The following SF3B3 variants were observed in gnomAD, a reference collection of about 807,000 sequenced individuals.
SF3B3 encodes the protein SAP 130.
Under a neutral mutation model 139.2 loss-of-function variants are expected in SF3B3, and 33 were observed. The observed-to-expected ratio is 0.24, with a 90% CI of 0.18 to 0.32. The LOEUF is 0.32. SF3B3 is among the 10% of genes least tolerant of loss of function. The probability of loss-of-function intolerance (pLI) is 1.00; values close to 1 mark genes in which losing one functional copy is unlikely to be tolerated. For missense variants in SF3B3, 818 were observed against 1,509.4 expected, an observed-to-expected ratio of 0.54 and a Z score of 7.59; for synonymous variants, 596 against 563.6, an observed-to-expected ratio of 1.06 and a Z score of -0.81.
rs956971987 is a variant in SF3B3 at position 70,574,121 on chromosome 16, C to T, written c.*2308C>T. 1 of 152,158 alleles carries T rather than the reference C, an allele frequency of 6.6e-6. No homozygotes were observed. The highest frequency in any genetic ancestry group is 1.5e-5 in the Non-Finnish European group (1 of 68,012). 9.4% of individuals were successfully genotyped at this position (152,158 alleles called of 1,614,324 possible). A position where few individuals can be genotyped will look rare whatever the true frequency, so the allele number is the denominator to read the frequency against. On this transcript the variant is annotated 3_prime_UTR_variant, in exon 26 of 26. Transcript: ENST00000302516. ...GCTTGTTAGAGGAAAGCCAGAAAGG[C>T]ATTCAGATGGGATCAGTCTGGCTTT...
At chr16:70,529,328 A>C in intron 3 of SF3B3, 129 bp downstream of exon 3, 2 of 721,178 alleles carry the variant, frequency 2.8e-6, no homozygotes, top group Non-Finnish European at 4.5e-6. Context: ...CTCTAGGTTT[A>C]AAGTTGCATT....
At chr16:70,564,557 G>A (rs903137307) in intron 18 of SF3B3, among the ~76,000 whole-genome samples, 13 of 152,138 alleles carry the variant, frequency 8.5e-5, no homozygotes, top group Admixed American at 1.3e-4. Flanking sequence ...GAATTCTCCC[G>A]TCCTTGAGCT....
intron 10 of SF3B3, among the ~76,000 whole-genome samples, chr16:70,545,635 G>A (rs1304962383): frequency 6.6e-6 from 1 of 152,158 alleles, no homozygotes; most frequent in Non-Finnish European, 1.5e-5. Flanking sequence ...CTCTCAAGAG[G>A]CCTGCTACCT....
chr16:70,568,517 G>C (rs749797870), intron 22 of SF3B3, 22 bp downstream of exon 22: 2 of 1,586,610 alleles, frequency 1.3e-6, no homozygotes, highest in Admixed American at 3.4e-5. Flanking sequence ...TTGTTAACTT[G>C]GGTTACAGTG....
intron 2 of SF3B3, 76 bp from the exon 3 acceptor site, chr16:70,528,797 T>C: frequency 9.3e-7 from 1 of 1,076,540 alleles, no homozygotes; most frequent in South Asian, 1.5e-5. Flanking sequence ...TTTGTATTTT[T>C]AGTAGAGACG....
chr16:70,527,511 A>T (rs1184834746), intron 2 of SF3B3, among the ~76,000 whole-genome samples: 1 of 152,166 alleles, frequency 6.6e-6, no homozygotes. Context: ...GAGGCAGCCT[A>T]ACTGACCACA....
intron 9 of SF3B3, among the ~76,000 whole-genome samples, chr16:70,542,531 A>G (rs1044002289): frequency 1.3e-5 from 2 of 152,054 alleles, no homozygotes; most frequent in African/African-American, 4.8e-5. Flanking sequence ...ACCATTAGGG[A>G]CCACCTGTGT....
chr16:70,548,906 G>C (rs1385841705), intron 11 of SF3B3, among the ~76,000 whole-genome samples: 3 of 152,230 alleles, frequency 2.0e-5, no homozygotes, highest in Non-Finnish European at 4.4e-5. Flanking sequence ...CTTAAGGAAA[G>C]CAGAGTGGAA....
chr16:70,543,668 A>C (rs550217460), intron 9 of SF3B3, among the ~76,000 whole-genome samples: 19 of 152,142 alleles, frequency 1.2e-4, no homozygotes, highest in Non-Finnish European at 2.4e-4. Context: ...ACACAGTGCC[A>C]CTGTACTCTA....
chr16:70,548,317 G>C (rs1353419521), intron 10 of SF3B3, 53 bp from the exon 11 acceptor site: 7 of 1,409,454 alleles, frequency 5.0e-6, no homozygotes, highest in Non-Finnish European at 7.0e-6. Flanking sequence ...ATTGTAAGCA[G>C]GTAGCTGAGT....
chr16:70,538,106 G>C (rs1303444618), intron 6 of SF3B3: 1 of 705,286 alleles, frequency 1.4e-6, no homozygotes, highest in Non-Finnish European at 2.6e-6. Flanking sequence ...CTGTAGAGTG[G>C]AATTGGGACT....
chr16:70,565,018 C>G, intron 18 of SF3B3, 47 bp from the exon 19 acceptor site: 1 of 1,585,794 alleles, frequency 6.3e-7, no homozygotes, highest in Non-Finnish European at 8.7e-7. Flanking sequence ...TCAGCCAGCC[C>G]CTACCTCTGA....
intron 1 of SF3B3, 148 bp from the exon 2 acceptor site, chr16:70,526,439 C>T (rs1453677904): frequency 4.0e-6 from 2 of 504,480 alleles, no homozygotes; most frequent in Non-Finnish European, 7.0e-6. Flanking sequence ...AACTCCTGAC[C>T]TCGTGAGCCA....
chr16:70,554,141 A>G (rs1348223516), intron 11 of SF3B3: 17 of 214,336 alleles, frequency 7.9e-5, no homozygotes, highest in Non-Finnish European at 1.1e-4. Flanking sequence ...CAGTATGTTC[A>G]TGTATCAATA....
chr16:70,571,210 G>A lies in SF3B3; in HGVS notation c.3513+11G>A, dbSNP rs752059619. On this transcript the variant is annotated intron_variant, in intron 25 of 25. Coordinates refer to ENST00000302516, the MANE Select transcript of SF3B3 (RefSeq NM_012426.5). ...TACTTCCCTGTGAAGGTAGGTTGGG[G>A]GAATCTGAGCTGAAAAGGGAGATCT... The A allele has an allele frequency of 3.8e-6, 6 of 1,572,982 alleles. No individual in the cohort carries two copies. The South Asian group carries it at 6.6e-5, about 17-fold the overall frequency.
intron 21 of SF3B3, 119 bp downstream of exon 21, chr16:70,567,655 C>A: frequency 8.3e-7 from 1 of 1,202,532 alleles, no homozygotes; most frequent in Non-Finnish European, 1.1e-6. Context: ...TGTGTTACCC[C>A]AATTCCAGCT....
At chr16:70,528,517 G>A (rs1468631075) in intron 2 of SF3B3, among the ~76,000 whole-genome samples, 2 of 147,728 alleles carry the variant, frequency 1.4e-5, no homozygotes, top group East Asian at 3.9e-4. Flanking sequence ...CGTTTCCCAG[G>A]ATGGAGTGCA....
chr16:70,528,083 A>AT (rs2050081874), intron 2 of SF3B3, among the ~76,000 whole-genome samples: 2 of 148,900 alleles, frequency 1.3e-5, no homozygotes, highest in South Asian at 4.3e-4. Context: ...CTGAAAGCAC[A>AT]TTTTTAATAC....
At chr16:70,534,666 A>T (rs1307625134) in intron 5 of SF3B3, among the ~76,000 whole-genome samples, 2 of 151,964 alleles carry the variant, frequency 1.3e-5, no homozygotes, top group Non-Finnish European at 2.9e-5. Flanking sequence ...TTTTATTTTT[A>T]TTTTATTTAT....
Sources: gnomAD v4.1 joint callset for allele counts (sites outside exome capture counted in the v4.1 genomes callset) on GRCh38, gnomAD v4.1.1 for gene constraint, MANE v1.5 for transcripts, NCBI Gene and HGNC (gene_info 2026-07-23, HGNC 2026-07-21) for gene names.